ZNF66: variants seen among roughly 807,000 people sequenced by gnomAD.
The protein encoded by ZNF66 is putative zinc finger protein 66.
In ZNF66, 32 loss-of-function variants were observed where a neutral mutation model predicts 35.2. The observed-to-expected ratio is 0.91, with a 90% CI of 0.69 to 1.22. The LOEUF is 1.22. Among genes scored for constraint, ZNF66 ranks in the 50% most tolerant of loss-of-function variants. The pLI, the probability that ZNF66 is intolerant of heterozygous loss-of-function variation, is 0.00. For synonymous variants in ZNF66, 231 were observed against 181.3 expected (o/e 1.27, Z -2.20); for missense variants, 666 against 543.1 (o/e 1.23, Z -2.25).
At chr19:20,802,200 T>C (rs143299421) in intron 3 of ZNF66, among the ~76,000 whole-genome samples, 3 of 152,350 alleles carry the variant, frequency 2.0e-5, no homozygotes, top group South Asian at 2.1e-4. Flanking sequence ...TTGGGTACTT[T>C]ATTGTCTCTT....
At chr19:20,805,126 T>TGTGTGA (rs752355466) in intron 3 of ZNF66, among the ~76,000 whole-genome samples, 4 of 145,984 alleles carry the variant, frequency 2.7e-5, no homozygotes, top group African/African-American at 1.0e-4. Context: ...TGTGTGTGTG[T>TGTGTGA]GAGAGAGAGA....
At chr19:20,805,549 G>A (rs11670273) in intron 3 of ZNF66, among the ~76,000 whole-genome samples, 2,698 of 151,314 alleles carry the variant, frequency 0.018, 36 homozygotes, top group Non-Finnish European at 0.027. Context: ...GCTCTGTTGG[G>A]TATAAGTAAC....
Position 20,806,497 on chromosome 19 carries a change from C to T in ZNF66, c.897C>T (p.Ser299=). The T allele has an allele frequency of 6.6e-7, 1 of 1,520,730 alleles. No homozygotes were observed. Among genetic ancestry groups the T allele is most frequent in the Non-Finnish European group, 9.1e-7 (1 of 1,096,368 alleles). 94.2% of individuals were successfully genotyped at this position (1,520,730 alleles called of 1,614,324 possible). A position where few individuals can be genotyped will look rare whatever the true frequency, so the allele number is the denominator to read the frequency against. The part of the protein sequence containing the change: ...ECGKVFKYLS[S]LSTHKIIHTG... The stretch of plus-strand genomic sequence containing the variant: ...GCAAAGTTTTTAAGTACCTTTCTTC[C>T]CTTTCTACACATAAGATAATTCATA... The change falls in exon 4 of 4, where the codon TCC becomes TCT. Residue 299 remains serine (S), a synonymous_variant. Coordinates refer to ENST00000344519, the MANE Select transcript of ZNF66 (RefSeq NM_001355197.2).
chr19:20,776,512 C>T (rs1371499765), intron 1 of ZNF66, 62 bp downstream of exon 1: 38 of 1,488,878 alleles, frequency 2.6e-5, no homozygotes, highest in Non-Finnish European at 3.4e-5. Context: ...CTCAGGCCTC[C>T]CCTCAGTCAG....
In ZNF66 at chr19:20,806,911, C is replaced by G. The variant is rs748739595; in HGVS notation, c.1311C>G (p.Ser437=). 8.0e-7 allele frequency: 1 copy of G among 1,256,408 alleles called. No homozygotes were observed. Among genetic ancestry groups the G allele is most frequent in the East Asian group, 2.3e-5 (1 of 43,034 alleles). The allele number at this position is 1,256,408 out of a possible 1,614,324, so 77.8% of individuals were successfully genotyped here. The change falls in exon 4 of 4, where the codon TCC becomes TCG. Residue 437 remains serine, a synonymous_variant. Coordinates refer to ENST00000344519, the MANE Select transcript of ZNF66 (RefSeq NM_001355197.2). ...CEECGKAFSR[S]SILTTHKIIH... is the part of the protein sequence containing the mutation. Reference sequence around the variant, plus strand: ...AATGTGGCAAAGCCTTCAGTCGGTCCTCTATTCTTACTACACATAAGATAA... The same window carrying G: ...AATGTGGCAAAGCCTTCAGTCGGTCGTCTATTCTTACTACACATAAGATAA...
chr19:20,785,776 T>TTC (rs1971282059), intron 1 of ZNF66, among the ~76,000 whole-genome samples: 1 of 151,934 alleles, frequency 6.6e-6, no homozygotes, highest in African/African-American at 2.4e-5. Context: ...TTTGTTTGTT[T>TTC]TTTGAGATAG....
At chr19:20,780,052 T>C (rs939843837) in intron 1 of ZNF66, among the ~76,000 whole-genome samples, 2 of 151,276 alleles carry the variant, frequency 1.3e-5, no homozygotes, top group Non-Finnish European at 2.9e-5. Context: ...TGGAGGTTGC[T>C]GTTAGCCAAG....
At chr19:20,785,369 C>T (rs192604316) in intron 1 of ZNF66, among the ~76,000 whole-genome samples, 1 of 152,336 alleles carries the variant, frequency 6.6e-6, no homozygotes, top group East Asian at 1.9e-4. Flanking sequence ...CCTATTCAAC[C>T]ATTTTTGTAG....
rs2144902537 is a variant in ZNF66 at position 20,792,579 on chromosome 19, C to G, written c.71C>G (p.Ala24Gly). The G allele has an allele frequency of 6.6e-7, 1 of 1,515,818 alleles. No homozygotes were observed. The highest frequency in any genetic ancestry group is 2.3e-5 in the East Asian group (1 of 44,124). 93.9% of individuals were successfully genotyped at this position (1,515,818 alleles called of 1,614,324 possible). Residue 24 changes from alanine to glycine, a missense_variant, in exon 2 of 4, where the codon GCA becomes GGA. Coordinates refer to ENST00000344519, the MANE Select transcript of ZNF66 (RefSeq NM_001355197.2). ...SLEEWHCLDM[A>G]QRNLYRDVML... ...GAGGAGTGGCATTGCCTGGACATGGCACAGCGGAATTTATATAGGGATGTG... is the reference window on the plus strand; with the variant it reads ...GAGGAGTGGCATTGCCTGGACATGGGACAGCGGAATTTATATAGGGATGTG...
intron 1 of ZNF66, among the ~76,000 whole-genome samples, chr19:20,780,368 G>A (rs1340783098): frequency 6.6e-6 from 1 of 151,916 alleles, no homozygotes; most frequent in East Asian, 1.9e-4. Context: ...CTCCCATTTG[G>A]CTTTTCCTGG....
At chr19:20,788,741 A>G (rs1971309846) in intron 1 of ZNF66, among the ~76,000 whole-genome samples, 1 of 151,972 alleles carries the variant, frequency 6.6e-6, no homozygotes, top group South Asian at 2.1e-4. Flanking sequence ...AAGTGTACAT[A>G]TTTATTTTCT....
At chr19:20,799,047 C>CTT (rs1555783163) in intron 3 of ZNF66, 5 of 127,102 alleles carry the variant, frequency 3.9e-5, no homozygotes, top group Non-Finnish European at 8.4e-5. Context: ...TTCTTTCTTT[C>CTT]TTTCTTTTTC....
chr19:20,809,241 C>A lies in ZNF66; in HGVS notation c.*1919C>A, dbSNP rs1184996694. Among the ~76,000 whole-genome samples, 1 of 152,114 alleles carries A rather than the reference C, an allele frequency of 6.6e-6. No homozygotes were observed. Among genetic ancestry groups the A allele is most frequent in the Non-Finnish European group, 1.5e-5 (1 of 68,024 alleles). ...AAAGTGAGGGGGAGAATGGAACCAA[C>A]TTGGAAAACACTCTGCAGGATATTA... On this transcript the variant is annotated 3_prime_UTR_variant, in exon 4 of 4. Coordinates refer to ENST00000344519, the MANE Select transcript of ZNF66 (RefSeq NM_001355197.2).
rs1344587772 is a variant in ZNF66, at chr19:20,805,938, T to TA, written c.345dup (p.Gly116ArgfsTer3). 2.9e-6 allele frequency: 2 copies of TA among 690,184 alleles called. No homozygotes were observed. Among genetic ancestry groups the TA allele is most frequent in the South Asian group, 1.9e-5 (1 of 52,664 alleles). 42.8% of individuals were successfully genotyped at this position (690,184 alleles called of 1,614,324 possible). On this transcript the variant is annotated frameshift_variant, in exon 4 of 4. Transcript: ENST00000344519. LOFTEE classifies it high-confidence loss of function. ...AAATGTGGACATGATAATTTGCAGT[T>TA]AAAAAAAGGCTGTGAAAGTGTGGAT...
intron 1 of ZNF66, among the ~76,000 whole-genome samples, chr19:20,780,778 A>T (rs1971238624): frequency 6.6e-6 from 1 of 152,162 alleles, no homozygotes; most frequent in Admixed American, 6.5e-5. Context: ...CACACTGCCC[A>T]TTGTCCTGTG....
Position 20,806,846 on chromosome 19 carries a change from A to G in ZNF66, c.1246A>G (p.Lys416Glu), listed in dbSNP as rs746356553. 1 of 1,353,618 alleles carries G rather than the reference A, an allele frequency of 7.4e-7. No homozygotes were observed. Among genetic ancestry groups the G allele is most frequent in the Non-Finnish European group, 1.1e-6 (1 of 945,042 alleles). 83.9% of individuals were successfully genotyped at this position (1,353,618 alleles called of 1,614,324 possible). The change falls in exon 4 of 4, where the codon AAG (lysine) becomes GAG (glutamate). Residue 416 changes from lysine to glutamate, a missense_variant. Coordinates refer to ENST00000344519, the MANE Select transcript of ZNF66 (RefSeq NM_001355197.2). ...FKHSSPLSKH[K>E]RIHTGEKPYK... ...GCACTCCTCTCCCCTTTCTAAACAT[A>G]AGAGAATTCATACTGGAGAGAAACC... is the stretch of plus-strand genomic sequence containing the variant.
At position 20,806,617 on chromosome 19, in the gene ZNF66, A is replaced by C. The variant is rs537627795; in HGVS notation, c.1017A>C (p.Lys339Asn). 12 of 1,592,206 alleles carry C rather than the reference A, an allele frequency of 7.5e-6. No homozygotes were observed. The highest frequency in any genetic ancestry group is 1.0e-5 in the Non-Finnish European group (12 of 1,161,566). The part of the protein sequence containing the change: ...TTHKRIHTGE[K>N]PYKCEECGKG... The stretch of plus-strand genomic sequence containing the variant: ...ATAAGAGAATTCATACTGGAGAGAA[A>C]CCCTACAAATGTGAAGAATGTGGCA... The change falls in exon 4 of 4, where the codon AAA becomes AAC. Residue 339 changes from lysine to asparagine, a missense_variant. Physicochemically the swap from Lys to Asn is moderately conservative, Grantham distance 94 (BLOSUM62 0). Transcript: ENST00000344519.
At chr19:20,784,683 A>G (rs1298530693) in intron 1 of ZNF66, 5 of 152,222 alleles carry the variant, frequency 3.3e-5, no homozygotes, top group Admixed American at 3.3e-4. Context: ...GCAGAGATGG[A>G]AAAGAAACTT....
chr19:20,785,769 G>C (rs550433617), intron 1 of ZNF66, among the ~76,000 whole-genome samples: 1 of 127,420 alleles, frequency 7.8e-6, no homozygotes, highest in African/African-American at 2.8e-5. Context: ...TTGTTTGTTT[G>C]TTTGTTTTTT....
Sources: gnomAD v4.1 joint callset for allele counts (sites outside exome capture counted in the v4.1 genomes callset) on GRCh38, gnomAD v4.1.1 for gene constraint, MANE v1.5 for transcripts, NCBI Gene and HGNC (gene_info 2026-07-23, HGNC 2026-07-21) for gene names.